Variants in CEP112 observed in about 807,000 individuals in gnomAD.
CEP112 encodes the protein centrosomal protein 112.
In CEP112, 127 loss-of-function variants were observed where a neutral mutation model predicts 153.0. That is an observed-to-expected ratio of 0.83 (90% CI 0.72 to 0.96). CEP112 has a LOEUF of 0.96. Among genes scored for constraint, CEP112 ranks in the 40% least tolerant of loss-of-function variants. CEP112 has a pLI of 0.00. For synonymous variants in CEP112, 358 were observed against 374.4 expected, an observed-to-expected ratio of 0.96 and a Z score of 0.51; for missense variants, 1,089 against 1,101.2, an observed-to-expected ratio of 0.99 and a Z score of 0.16.
rs1417504216 is a variant in CEP112 at position 65,635,894 on chromosome 17, T to C, written c.*77A>G. 1.4e-6 allele frequency: 2 copies of C among 1,473,608 alleles called. No homozygotes were observed. Among genetic ancestry groups the C allele is most frequent in the South Asian group, 1.2e-5 (1 of 81,166 alleles). 91.3% of individuals were successfully genotyped at this position (1,473,608 alleles called of 1,614,324 possible). On this transcript the variant is annotated 3_prime_UTR_variant, in exon 27 of 27. Transcript: ENST00000535342. ...ATGCCACTGATCTCACAGTTTACAA[T>C]ATCCAAATCTTCAAACCTGCTGGAA...
chr17:65,940,995 T>C (rs1320409334), intron 18 of CEP112, among the ~76,000 whole-genome samples: 1 of 152,128 alleles, frequency 6.6e-6, no homozygotes, highest in African/African-American at 2.4e-5. Flanking sequence ...AACATCACAT[T>C]GTATCTCATA....
intron 11 of CEP112, among the ~76,000 whole-genome samples, chr17:66,058,634 G>A (rs937393477): frequency 6.6e-6 from 1 of 152,102 alleles, no homozygotes; most frequent in African/African-American, 2.4e-5. Context: ...AGGATCGCTT[G>A]AGGTCAGGAG....
At chr17:65,945,766 C>T (rs923845988) in intron 18 of CEP112, among the ~76,000 whole-genome samples, 4 of 152,148 alleles carry the variant, frequency 2.6e-5, no homozygotes, top group East Asian at 3.9e-4. Flanking sequence ...CCTCCCTCAG[C>T]CTCCCGAGTA....
In CEP112 at chr17:66,000,450, TC is replaced by T. The variant is rs1179261766; in HGVS notation, c.1736+5239del. Among the ~76,000 whole-genome samples, 3 of 151,106 alleles carry T rather than the reference TC, an allele frequency of 2.0e-5. No homozygotes were observed. The East Asian group carries it at 5.8e-4, about 29-fold the overall frequency. ...TGGGCGGGGTGAGGCAGCTGCTTTCTCCTTCACTTCTTTGGATTACTAGAGC... is the reference window on the plus strand; with the variant it reads ...TGGGCGGGGTGAGGCAGCTGCTTTCTCTTCACTTCTTTGGATTACTAGAGC... On this transcript the variant is annotated intron_variant, in intron 17 of 26. Transcript: ENST00000535342.
intron 4 of CEP112, among the ~76,000 whole-genome samples, chr17:66,156,251 A>G (rs1192067183): frequency 2.0e-5 from 3 of 152,294 alleles, no homozygotes; most frequent in African/African-American, 7.2e-5. Flanking sequence ...CAGGGTCTGA[A>G]GTGGACCTCC....
At chr17:66,085,750 A>G (rs1430182869) in intron 8 of CEP112, among the ~76,000 whole-genome samples, 4 of 152,140 alleles carry the variant, frequency 2.6e-5, no homozygotes, top group Non-Finnish European at 1.5e-5. Flanking sequence ...AGGCCGAGGC[A>G]GGCGGATCAC....
intron 20 of CEP112, among the ~76,000 whole-genome samples, chr17:65,888,854 ATC>A (rs1361906837): frequency 6.6e-6 from 1 of 152,086 alleles, no homozygotes; most frequent in East Asian, 1.9e-4. Flanking sequence ...GAAGCTCCTT[ATC>A]TCCCATTAGC....
chr17:65,637,503 C>T (rs555608450), intron 25 of CEP112, among the ~76,000 whole-genome samples: 33 of 152,324 alleles, frequency 2.2e-4, no homozygotes, highest in African/African-American at 5.5e-4. Flanking sequence ...TTTCTCGCTC[C>T]GTTGCTCTTT....
chr17:65,974,542 T>G lies in CEP112; in HGVS notation c.1737-12944A>C, dbSNP rs114309537. Among the ~76,000 whole-genome samples the G allele has an allele frequency of 1.5e-3, 229 of 152,302 alleles. 1 individual carries two copies. The highest frequency in any genetic ancestry group is 4.4e-3 in the African/African-American group (182 of 41,554). ...TCTATATCCCAAACAATACAAAAAT[T>G]CATATCCATTAGGTTATTCATGACA... On this transcript the variant is annotated intron_variant, in intron 17 of 26. Coordinates refer to ENST00000535342, the MANE Select transcript of CEP112 (RefSeq NM_001199165.4).
chr17:66,096,600 A>G lies in CEP112; in HGVS notation c.675T>C (p.Pro225=). ...TCTCACATACCAGAGAAACTGGGAT[A>G]GGCTTCTGTCTCAGGTATCGAGGAT... The part of the protein sequence containing the change: ...IENPRYLRQK[P]IPVSLMTPKF... The change falls in exon 7 of 27, where the codon CCT becomes CCC. Residue 225 remains proline (P), a synonymous_variant. Transcript: ENST00000535342. The G allele has an allele frequency of 6.3e-7, 1 of 1,594,830 alleles. No individual in the cohort carries two copies. The highest frequency in any genetic ancestry group is 8.6e-7 in the Non-Finnish European group (1 of 1,165,782).
chr17:65,905,317 A>G (rs2060028780), intron 19 of CEP112, among the ~76,000 whole-genome samples: 1 of 152,268 alleles, frequency 6.6e-6, no homozygotes, highest in Non-Finnish European at 1.5e-5. Flanking sequence ...TCTCAAAAAA[A>G]GCCATTTATG....
At chr17:66,189,925 G>A (rs912426375) in intron 1 of CEP112, among the ~76,000 whole-genome samples, 4 of 152,122 alleles carry the variant, frequency 2.6e-5, no homozygotes, top group African/African-American at 4.8e-5. Context: ...CCAGCTACTC[G>A]GGAGACTGAG....
At chr17:65,689,021 G>T in intron 24 of CEP112, 108 bp downstream of exon 24, 1 of 735,254 alleles carries the variant, frequency 1.4e-6, no homozygotes. Context: ...ACCCACCTCG[G>T]CCTCCCAAAG....
intron 18 of CEP112, among the ~76,000 whole-genome samples, chr17:65,950,292 T>A (rs2061779847): frequency 6.6e-6 from 1 of 152,196 alleles, no homozygotes; most frequent in Non-Finnish European, 1.5e-5. Flanking sequence ...TTGAAAGAAA[T>A]TGCATTGAAT....
intron 24 of CEP112, among the ~76,000 whole-genome samples, chr17:65,687,160 A>ATTT (rs35675811): frequency 5.5e-4 from 50 of 90,142 alleles, no homozygotes; most frequent in South Asian, 7.2e-4. Context: ...GTTATTATTA[A>ATTT]TTTTTTTTTT....
At position 65,860,599 on chromosome 17, in the gene CEP112, A is replaced by G. The variant is rs12602390; in HGVS notation, c.2164-8565T>C. 0.065 allele frequency among the ~76,000 whole-genome samples: 9,923 copies of G among 152,298 alleles called. 1,370 individuals are homozygous for G. In the East Asian group the frequency reaches 0.66, roughly 10 times the overall value. ...GAATTGAGAACCTAGAAACAGGCTC[A>G]CACTGGACAGAGCTGGCATTACAGT... On this transcript the variant is annotated intron_variant, in intron 20 of 26. Coordinates refer to ENST00000535342, the MANE Select transcript of CEP112 (RefSeq NM_001199165.4).
intron 6 of CEP112, among the ~76,000 whole-genome samples, chr17:66,112,738 G>A (rs1034822902): frequency 3.3e-5 from 5 of 152,212 alleles, no homozygotes; most frequent in South Asian, 4.1e-4. Context: ...GAGGTCAGGC[G>A]TTCGAGACCA....
intron 6 of CEP112, among the ~76,000 whole-genome samples, chr17:66,129,098 A>G (rs1473176809): frequency 6.6e-6 from 1 of 152,190 alleles, no homozygotes; most frequent in Non-Finnish European, 1.5e-5. Flanking sequence ...ATGAGAAAAA[A>G]AAAATGCAGG....
intron 17 of CEP112, among the ~76,000 whole-genome samples, chr17:65,968,038 T>A (rs2062478216): frequency 6.6e-6 from 1 of 152,174 alleles, no homozygotes; most frequent in South Asian, 2.1e-4. Flanking sequence ...ACACCATATA[T>A]GCAGAGTTTA....
Sources: gnomAD v4.1 joint callset for allele counts (sites outside exome capture counted in the v4.1 genomes callset) on GRCh38, gnomAD v4.1.1 for gene constraint, MANE v1.5 for transcripts, NCBI Gene and HGNC (gene_info 2026-07-23, HGNC 2026-07-21) for gene names.